Variants in COPS5 observed in about 807,000 individuals in gnomAD.
The protein encoded by COPS5 is COP9 signalosome complex subunit 5.
In COPS5, 8 loss-of-function variants were observed where a neutral mutation model predicts 44.4. The ratio of observed to expected loss-of-function variants is 0.18; its 90% confidence interval spans 0.11 to 0.32. The LOEUF (loss-of-function observed/expected upper bound fraction) is 0.32, where lower values mean the gene tolerates loss of function less well. Ranked by LOEUF, COPS5 falls within the 10% of genes least tolerant of loss-of-function variation. The probability of loss-of-function intolerance (pLI) is 1.00; values close to 1 mark genes in which losing one functional copy is unlikely to be tolerated. For missense variants in COPS5, 159 were observed against 406.4 expected, an observed-to-expected ratio of 0.39 and a Z score of 5.23; for synonymous variants, 122 against 142.8, an observed-to-expected ratio of 0.85 and a Z score of 1.04.
chr8:67,056,005 T>G (rs559750965), intron 5 of COPS5, among the ~76,000 whole-genome samples: 2 of 152,312 alleles, frequency 1.3e-5, no homozygotes, highest in South Asian at 4.1e-4. Flanking sequence ...GTAGAAATTA[T>G]ATATTTTGAG....
chr8:67,056,951 G>A (rs1804523169), intron 4 of COPS5, among the ~76,000 whole-genome samples: 1 of 151,828 alleles, frequency 6.6e-6, no homozygotes, highest in African/African-American at 2.4e-5. Flanking sequence ...GAAGGAAATA[G>A]ACCTATAGAT....
chr8:67,058,253 A>G (rs768711970), intron 2 of COPS5, 42 bp from the exon 3 acceptor site: 5 of 1,600,202 alleles, frequency 3.1e-6, no homozygotes, highest in African/African-American at 1.3e-5. Flanking sequence ...TTACTCTTTA[A>G]TTAATTTACA....
chr8:67,051,311 T>C lies in COPS5; in HGVS notation c.690A>G (p.Lys230=). ...CAAGCAATTTGCGATCCAAAGAGGA[T>C]TTGAAATATGAGACTTCTAAGGCAT... ...QYYALEVSYF[K]SSLDRKLLEL... The change falls in exon 6 of 8, where the codon AAA becomes AAG. Residue 230 remains lysine (K), a synonymous_variant. Coordinates refer to ENST00000357849, the MANE Select transcript of COPS5 (RefSeq NM_006837.3). 6.2e-7 allele frequency: 1 copy of C among 1,610,454 alleles called. No homozygotes were observed. Among genetic ancestry groups the C allele is most frequent in the Non-Finnish European group, 8.5e-7 (1 of 1,177,986 alleles).
chr8:67,047,684 C>A, intron 6 of COPS5: 1 of 615,718 alleles, frequency 1.6e-6, no homozygotes, highest in Non-Finnish European at 2.9e-6. Context: ...TGTAATTTAA[C>A]CTTTTCTTGA....
chr8:67,059,004 G>GA (rs575915856), intron 2 of COPS5, among the ~76,000 whole-genome samples: 5,003 of 128,886 alleles, frequency 0.039, 171 homozygotes, highest in African/African-American at 0.088. Flanking sequence ...TCCCTGTCTC[G>GA]AAAAAAAAAA....
chr8:67,049,542 T>C (rs1158954396), intron 6 of COPS5, among the ~76,000 whole-genome samples: 2 of 152,242 alleles, frequency 1.3e-5, no homozygotes, highest in South Asian at 4.1e-4. Flanking sequence ...AGTAGTTCTT[T>C]ACTTTTGTGC....
intron 6 of COPS5, chr8:67,047,742 T>G: frequency 2.9e-6 from 2 of 699,748 alleles, no homozygotes; most frequent in South Asian, 1.5e-5. Context: ...GGACAGACAT[T>G]GGGCTGAGTA....
At chr8:67,056,458 G>T in intron 5 of COPS5, 61 bp downstream of exon 5, 1 of 582,920 alleles carries the variant, frequency 1.7e-6, no homozygotes, top group Non-Finnish European at 3.1e-6. Flanking sequence ...GCTTCCCAAA[G>T]TGCTGGGATT....
Position 67,051,140 on chromosome 8 carries a change from T to TA in COPS5, c.771+89dup, listed in dbSNP as rs748064130. On this transcript the variant is annotated intron_variant, in intron 6 of 7. Coordinates refer to ENST00000357849, the MANE Select transcript of COPS5 (RefSeq NM_006837.3). ...CCTGGTGTCTTGGCCAAGTCAGGTA[T>TA]AGCCTTTCTGTGAAACAGTGTTTCA... 145 of 901,348 alleles carry TA rather than the reference T, an allele frequency of 1.6e-4. No individual in the cohort carries two copies. The African/African-American group carries it at 2.3e-3, about 14-fold the overall frequency. The allele number at this position is 901,348 out of a possible 1,614,324, so 55.8% of individuals were successfully genotyped here.
Position 67,056,524 on chromosome 8 carries a change from G to T in COPS5, c.654C>A (p.Cys218Ter). 1 of 1,263,112 alleles carries T rather than the reference G, an allele frequency of 7.9e-7. No individual in the cohort carries two copies. The highest frequency in any genetic ancestry group is 1.1e-6 in the Non-Finnish European group (1 of 894,440). The allele number at this position is 1,263,112 out of a possible 1,614,324, so 78.2% of individuals were successfully genotyped here. ...LNKIEDFGVH[C>*]KQYYALEVSY... ...TATGTTTTTAAATTACTTACTGTTT[G>T]CAGTGTACACCAAAATCTTCTATTT... The change falls in exon 5 of 8, where the codon TGC becomes TGA. Residue 218 changes from cysteine (C) to a stop codon, truncating the protein, a stop_gained. Transcript: ENST00000357849. LOFTEE classifies it high-confidence loss of function.
chr8:67,057,262 TGGCTTGAGCCTAGGCGATGAA>T (rs1804527067), intron 4 of COPS5, 97 bp downstream of exon 4: 1 of 483,174 alleles, frequency 2.1e-6, no homozygotes, highest in Non-Finnish European at 3.6e-6. Flanking sequence ...GAGGCTGAGT[TGGCTTGAGCCTAGGCGATGAA>T]GGCTGTAGTA....
chr8:67,057,478 A>G (rs1420310002), intron 3 of COPS5, 33 bp from the exon 4 acceptor site: 2 of 1,395,706 alleles, frequency 1.4e-6, no homozygotes, highest in African/African-American at 1.4e-5. Flanking sequence ...ATCTGCTGAT[A>G]TAAAACTGTA....
intron 5 of COPS5, among the ~76,000 whole-genome samples, chr8:67,055,098 G>A (rs1804483636): frequency 6.6e-6 from 1 of 152,236 alleles, no homozygotes; most frequent in African/African-American, 2.4e-5. Flanking sequence ...GTTCTAGGCA[G>A]AGGGAACAGC....
chr8:67,059,196 AAAC>A lies in COPS5; in HGVS notation c.378+12_378+14del, dbSNP rs1454194927. 1 of 1,600,056 alleles carries A rather than the reference AAAC, an allele frequency of 6.2e-7. No homozygotes were observed. On this transcript the variant is annotated intron_variant, in intron 2 of 7. Transcript: ENST00000357849. ...TAACTTGCAATTACTAAACTATAAGAAACAACATTTTTACCTGTTTTGCATTTT... is the reference window on the plus strand; with the variant it reads ...TAACTTGCAATTACTAAACTATAAGAAACATTTTTACCTGTTTTGCATTTT...
intron 6 of COPS5, among the ~76,000 whole-genome samples, chr8:67,050,162 C>T (rs550243977): frequency 9.9e-5 from 15 of 152,204 alleles, no homozygotes; most frequent in African/African-American, 2.9e-4. Flanking sequence ...CCACCTCGCC[C>T]GGCTAATTTT....
chr8:67,045,173 C>T (rs188243159), intron 7 of COPS5: 7 of 151,834 alleles, frequency 4.6e-5, no homozygotes, highest in South Asian at 2.1e-4. Flanking sequence ...TAATTTTGGC[C>T]GGGTGCGGTG....
intron 5 of COPS5, among the ~76,000 whole-genome samples, chr8:67,054,226 A>G (rs2129537901): frequency 6.6e-6 from 1 of 152,284 alleles, no homozygotes; most frequent in South Asian, 2.1e-4. Context: ...AAACTAACGG[A>G]ATAGACAAAC....
chr8:67,062,122 G>A lies in COPS5; in HGVS notation c.-126C>T. 13 of 1,550,034 alleles carry A rather than the reference G, an allele frequency of 8.4e-6. No individual in the cohort carries two copies. The highest frequency in any genetic ancestry group is 1.1e-5 in the Non-Finnish European group (13 of 1,151,958). ...AACTCTTACCTAGACTCTTGGGGCAGCCATGACACCTAGAACCGGAGGTGA... is the reference window on the plus strand; with the variant it reads ...AACTCTTACCTAGACTCTTGGGGCAACCATGACACCTAGAACCGGAGGTGA... On this transcript the variant is annotated 5_prime_UTR_variant, in exon 1 of 8. Coordinates refer to ENST00000357849, the MANE Select transcript of COPS5 (RefSeq NM_006837.3).
At chr8:67,043,898 T>C (rs1816667795) in intron 7 of COPS5, 1 of 152,220 alleles carries the variant, frequency 6.6e-6, no homozygotes, top group African/African-American at 2.4e-5. Context: ...TCTGTTCTAT[T>C]TCTTATATAA....
Sources: gnomAD v4.1 joint callset for allele counts (sites outside exome capture counted in the v4.1 genomes callset) on GRCh38, gnomAD v4.1.1 for gene constraint, MANE v1.5 for transcripts, NCBI Gene and HGNC (gene_info 2026-07-23, HGNC 2026-07-21) for gene names.